Variants in PLCH1 observed in about 807,000 individuals in gnomAD.
PLCH1 encodes phospholipase C eta 1.
In PLCH1, 60 loss-of-function variants were observed where a neutral mutation model predicts 126.7. The observed-to-expected ratio is 0.47, with a 90% CI of 0.38 to 0.59. The LOEUF is 0.59. Ranked by LOEUF, PLCH1 falls within the 20% of genes least tolerant of loss-of-function variation. The pLI is 0.00. For missense variants in PLCH1, 1,723 were observed against 2,040.0 expected (o/e 0.84, Z 2.99); for synonymous variants, 719 against 734.9 (o/e 0.98, Z 0.35).
downstream of PLCH1, among the ~76,000 whole-genome samples, chr3:155,474,974 G>T (rs1343531437): frequency 7.2e-6 from 1 of 138,960 alleles, no homozygotes; most frequent in Non-Finnish European, 1.5e-5. Context: ...TATACCTAAT[G>T]CTAGATGACG....
rs532491653 is a variant in PLCH1, at chr3:155,530,508, G to A, written c.1363-6504C>T. On this transcript the variant is annotated intron_variant, in intron 10 of 22. Transcript: ENST00000460012. ...ATTTTTTTGTATTTTTAGTAGAGAC[G>A]GGGTTTCACTGTGTTAGCCAGGCTG... is the stretch of plus-strand genomic sequence containing the variant. 5.7e-4 allele frequency among the ~76,000 whole-genome samples: 87 copies of A among 151,898 alleles called. 1 individual carries two copies. Among genetic ancestry groups the A allele is most frequent in the African/African-American group, 1.8e-3 (75 of 41,406 alleles).
chr3:155,739,454 C>CAAAAACATAGCCCACATCGTTT (rs1426978657), intron 1 of PLCH1, among the ~76,000 whole-genome samples: 2 of 152,078 alleles, frequency 1.3e-5, no homozygotes, highest in Non-Finnish European at 2.9e-5. Flanking sequence ...ACACCACTTC[C>CAAAAACATAGCCCACATCGTTT]AAAAACATAG....
chr3:155,549,380 T>C (rs368362032), intron 10 of PLCH1, among the ~76,000 whole-genome samples: 1 of 152,174 alleles, frequency 6.6e-6, no homozygotes, highest in Admixed American at 6.5e-5. Context: ...TTTTTTTGGT[T>C]TTTTTGACAG....
At chr3:155,708,963 G>A (rs779938883) in intron 1 of PLCH1, among the ~76,000 whole-genome samples, 2 of 152,034 alleles carry the variant, frequency 1.3e-5, no homozygotes, top group Non-Finnish European at 2.9e-5. Context: ...AGCCCCTGAC[G>A]AGCACTGATA....
At chr3:155,740,881 A>G (rs1394194948) in intron 1 of PLCH1, among the ~76,000 whole-genome samples, 2 of 152,196 alleles carry the variant, frequency 1.3e-5, no homozygotes, top group African/African-American at 2.4e-5. Flanking sequence ...TTTATACGAT[A>G]CATATGGTAG....
rs775152183 is a variant in PLCH1, at chr3:155,583,651, G to A, written c.601-9C>T. ...TCATCTGTGTCGGCTTCCTGAAAAG[G>A]GCATAGAGAAAATAAAGTAATATGA... On this transcript the variant is annotated splice_polypyrimidine_tract_variant and intron_variant, in intron 5 of 22. Coordinates refer to ENST00000460012, the MANE Select transcript of PLCH1 (RefSeq NM_014996.4). The A allele has an allele frequency of 6.5e-7, 1 of 1,543,206 alleles. No individual in the cohort carries two copies. The highest frequency in any genetic ancestry group is 8.7e-7 in the Non-Finnish European group (1 of 1,153,918).
At position 155,627,495 on chromosome 3, in the gene PLCH1, G is replaced by A. The variant is rs1029167690; in HGVS notation, c.80-31117C>T. 8.5e-5 allele frequency among the ~76,000 whole-genome samples: 13 copies of A among 152,052 alleles called. No homozygotes were observed. In the South Asian group the frequency reaches 1.9e-3, roughly 22 times the overall value. ...AATACAAAAAAAAAATTAGCCCGGC[G>A]TGGTGGCGGGTGCCTGTAGTACCAA... is the stretch of plus-strand genomic sequence containing the variant. On this transcript the variant is annotated intron_variant, in intron 2 of 22. Coordinates refer to ENST00000460012, the MANE Select transcript of PLCH1 (RefSeq NM_014996.4).
chr3:155,565,725 T>C (rs1410576982), intron 7 of PLCH1, among the ~76,000 whole-genome samples: 3 of 150,946 alleles, frequency 2.0e-5, no homozygotes, highest in Non-Finnish European at 4.4e-5. Context: ...AGATGGAGTC[T>C]TGCTTTGTCG....
intron 1 of PLCH1, among the ~76,000 whole-genome samples, chr3:155,734,199 T>C (rs1323891225): frequency 6.6e-6 from 1 of 151,986 alleles, no homozygotes; most frequent in African/African-American, 2.4e-5. Context: ...TGTCTCATGT[T>C]TGTAATCCCA....
In PLCH1 at chr3:155,612,908, T is replaced by TAAAA. The variant is rs59489759; in HGVS notation, c.80-16534_80-16531dup. Among the ~76,000 whole-genome samples the TAAAA allele has an allele frequency of 5.6e-4, 53 of 94,626 alleles. 3 individuals are homozygous for TAAAA. Among genetic ancestry groups the TAAAA allele is most frequent in the Middle Eastern group, 5.4e-3 (1 of 184 alleles). 62.1% of individuals were successfully genotyped at this position (94,626 alleles called of 152,430 possible). A position where few individuals can be genotyped will look rare whatever the true frequency, so the allele number is the denominator to read the frequency against. ...GGGCAACAAGAGTGAAACTGTGTAT[T>TAAAA]AAAAAAAAAAAAAAAAAGAAAAGAT... On this transcript the variant is annotated intron_variant, in intron 2 of 22. Transcript: ENST00000460012.
At chr3:155,612,967 T>C (rs1735328104) in intron 2 of PLCH1, among the ~76,000 whole-genome samples, 1 of 129,738 alleles carries the variant, frequency 7.7e-6, no homozygotes, top group Non-Finnish European at 1.6e-5. Context: ...AAACGAGAGA[T>C]ATTACAATCA....
intron 6 of PLCH1, among the ~76,000 whole-genome samples, chr3:155,576,346 G>A (rs1240070963): frequency 1.3e-5 from 2 of 152,172 alleles, no homozygotes; most frequent in Non-Finnish European, 2.9e-5. Flanking sequence ...AGGAAGAGAA[G>A]AAAGAGAAAT....
intron 8 of PLCH1, among the ~76,000 whole-genome samples, chr3:155,562,083 A>G (rs547515304): frequency 7.2e-5 from 11 of 152,122 alleles, no homozygotes; most frequent in Non-Finnish European, 1.2e-4. Context: ...GCCTGGCCAC[A>G]TTGTTTTTAT....
intron 1 of PLCH1, among the ~76,000 whole-genome samples, chr3:155,731,980 C>CT (rs1748804070): frequency 8.6e-6 from 1 of 116,840 alleles, no homozygotes; most frequent in Admixed American, 9.3e-5. Flanking sequence ...AACAGAGACC[C>CT]TGTCTCAAAA....
intron 10 of PLCH1, among the ~76,000 whole-genome samples, chr3:155,526,844 A>T (rs1365120803): frequency 2.0e-5 from 3 of 152,238 alleles, no homozygotes; most frequent in Non-Finnish European, 4.4e-5. Context: ...GCAGCAATAG[A>T]TACCTAACGT....
chr3:155,610,916 G>T (rs1266460647), intron 2 of PLCH1, among the ~76,000 whole-genome samples: 1 of 152,076 alleles, frequency 6.6e-6, no homozygotes, highest in Non-Finnish European at 1.5e-5. Flanking sequence ...AAAGATACAG[G>T]ATGGCAGAAT....
At chr3:155,571,836 TGCC>T (rs1729272196) in intron 6 of PLCH1, among the ~76,000 whole-genome samples, 1 of 152,270 alleles carries the variant, frequency 6.6e-6, no homozygotes, top group Admixed American at 6.5e-5. Flanking sequence ...TCTGCCTCTC[TGCC>T]TGTCCTCTCA....
In PLCH1 at chr3:155,707,175, C is replaced by T. The variant is rs1746742352; in HGVS notation, c.-40-2911G>A. Among the ~76,000 whole-genome samples, 3 of 152,326 alleles carry T rather than the reference C, an allele frequency of 2.0e-5. No individual in the cohort carries two copies. The South Asian group carries it at 6.2e-4, about 32-fold the overall frequency. On this transcript the variant is annotated intron_variant, in intron 1 of 22. Transcript: ENST00000460012. ...AATCTGCCAATGCCTTGATCTTAGA[C>T]TTCCCAGCCTCCAGAATTGTGAGAA...
At chr3:155,625,618 G>GA (rs1341817670) in intron 2 of PLCH1, among the ~76,000 whole-genome samples, 3 of 152,106 alleles carry the variant, frequency 2.0e-5, no homozygotes, top group African/African-American at 7.2e-5. Context: ...CAAAAAGCAT[G>GA]AAAAAAAGCT....
Sources: allele counts gnomAD v4.1 joint callset (sites outside exome capture counted in the v4.1 genomes callset), GRCh38; gene constraint gnomAD v4.1.1; transcripts MANE v1.5; gene names NCBI Gene and HGNC (gene_info 2026-07-23, HGNC 2026-07-21).